Variants in RBFOX2 observed in about 807,000 individuals in gnomAD.
The protein encoded by RBFOX2 is RNA binding protein fox-1 homolog 2.
Under a neutral mutation model 49.1 loss-of-function variants are expected in RBFOX2, and 10 were observed. The ratio of observed to expected loss-of-function variants is 0.20; its 90% CI spans 0.13 to 0.35. The LOEUF (loss-of-function observed/expected upper bound fraction) is 0.35. Among genes scored for constraint, RBFOX2 ranks in the 10% least tolerant of loss-of-function variants. RBFOX2 has a pLI of 1.00. For missense variants in RBFOX2, 323 were observed against 486.9 expected (o/e 0.66, Z 3.17); for synonymous variants, 183 against 187.4 (o/e 0.98, Z 0.19).
intron 1 of RBFOX2, chr22:35,821,790 C>T (rs758611207): frequency 1.9e-6 from 1 of 518,818 alleles, no homozygotes; most frequent in African/African-American, 1.9e-5. Flanking sequence ...TCAGTACACA[C>T]CTGATCTACC....
At chr22:35,849,288 TACACACACAAACACACACAC>T (rs1480773501) in intron 1 of RBFOX2, among the ~76,000 whole-genome samples, 2 of 96,852 alleles carry the variant, frequency 2.1e-5, no homozygotes, top group Admixed American at 2.2e-4. Context: ...CACACACACA[TACACACACAAACACACACAC>T]ACACACACAC....
At chr22:35,812,218 T>C (rs1373858018) in intron 1 of RBFOX2, among the ~76,000 whole-genome samples, 1 of 150,724 alleles carries the variant, frequency 6.6e-6, no homozygotes, top group Non-Finnish European at 1.5e-5. Context: ...CTGACATCGC[T>C]GCCATTAAAC....
chr22:36,018,880 CT>C (rs1328087185), intron 1 of RBFOX2, among the ~76,000 whole-genome samples: 1 of 152,172 alleles, frequency 6.6e-6, no homozygotes, highest in African/African-American at 2.4e-5. Context: ...TCCCAAAGTG[CT>C]GGGATTACAG....
chr22:36,021,356 C>A (rs1300090104), intron 1 of RBFOX2, among the ~76,000 whole-genome samples: 2 of 151,774 alleles, frequency 1.3e-5, no homozygotes, highest in African/African-American at 4.8e-5. Context: ...CATAACAAAC[C>A]CGCACGTTGT....
chr22:35,824,580 T>C (rs1236163319), intron 1 of RBFOX2, among the ~76,000 whole-genome samples: 2 of 152,196 alleles, frequency 1.3e-5, no homozygotes, highest in Non-Finnish European at 2.9e-5. Context: ...GAAGTAGTCA[T>C]CAGAAATGCT....
At chr22:35,919,202 T>C (rs2050752197) in intron 1 of RBFOX2, among the ~76,000 whole-genome samples, 1 of 152,186 alleles carries the variant, frequency 6.6e-6, no homozygotes, top group South Asian at 2.1e-4. Context: ...GGAGACCACT[T>C]GTTGCATAGG....
At chr22:36,024,708 T>C (rs954569622) in intron 1 of RBFOX2, among the ~76,000 whole-genome samples, 1 of 151,246 alleles carries the variant, frequency 6.6e-6, no homozygotes, top group African/African-American at 2.4e-5. Flanking sequence ...GCCACTGCAC[T>C]CCAGCCTGGG....
chr22:35,742,509 T>C (rs1930455707), exon 12 of RBFOX2: 1 of 152,606 alleles, frequency 6.6e-6, no homozygotes, highest in African/African-American at 2.4e-5. Flanking sequence ...AACAAACCCA[T>C]AACCAGAAGC....
intron 1 of RBFOX2, among the ~76,000 whole-genome samples, chr22:35,969,163 C>CTAGG (rs1443419063): frequency 1.3e-5 from 2 of 152,176 alleles, no homozygotes; most frequent in Admixed American, 1.3e-4. Context: ...AAAGAGGTAC[C>CTAGG]TGCCTGCCTC....
intron 9 of RBFOX2, among the ~76,000 whole-genome samples, chr22:35,754,573 T>C (rs1050607104): frequency 3.3e-5 from 5 of 152,196 alleles, no homozygotes; most frequent in Admixed American, 2.0e-4. Flanking sequence ...CATGAGAATA[T>C]GGACACTAAT....
chr22:35,765,089 C>G (rs909441583), intron 6 of RBFOX2, among the ~76,000 whole-genome samples: 1 of 151,076 alleles, frequency 6.6e-6, no homozygotes, highest in South Asian at 2.1e-4. Flanking sequence ...AGGGGTATTA[C>G]GGACAAGTCT....
At chr22:35,882,058 G>A (rs543327820) in intron 1 of RBFOX2, among the ~76,000 whole-genome samples, 21 of 152,154 alleles carry the variant, frequency 1.4e-4, no homozygotes, top group South Asian at 6.2e-4. Context: ...CATTTTACCC[G>A]GCTGGTAAAA....
intron 1 of RBFOX2, among the ~76,000 whole-genome samples, chr22:35,825,623 G>T (rs571494869): frequency 6.6e-6 from 1 of 152,206 alleles, no homozygotes; most frequent in Non-Finnish European, 1.5e-5. Flanking sequence ...AGCTCTCAAG[G>T]CCTTCGGTTT....
chr22:35,785,494 C>T (rs1946197645), intron 2 of RBFOX2, among the ~76,000 whole-genome samples: 1 of 152,168 alleles, frequency 6.6e-6, no homozygotes. Flanking sequence ...TTCTAGGTGA[C>T]AGGATGCATC....
At chr22:35,777,014 A>AAT (rs1300870393) in intron 4 of RBFOX2, among the ~76,000 whole-genome samples, 4 of 151,186 alleles carry the variant, frequency 2.6e-5, no homozygotes, top group Admixed American at 2.0e-4. Context: ...TAGGGGAAAT[A>AAT]ATTTTTTTTT....
chr22:35,986,054 C>T (rs5756032), intron 1 of RBFOX2, among the ~76,000 whole-genome samples: 32,395 of 152,040 alleles, frequency 0.21, 5,207 homozygotes, highest in African/African-American at 0.46. Context: ...TAACCTCTCC[C>T]TCAGATTATA....
intron 9 of RBFOX2, among the ~76,000 whole-genome samples, chr22:35,756,487 T>C (rs1936984395): frequency 6.6e-6 from 1 of 152,150 alleles, no homozygotes; most frequent in South Asian, 2.1e-4. Flanking sequence ...TTTTTGTATA[T>C]GGAGTATTTT....
At chr22:35,954,214 A>G (rs2055288195) in intron 1 of RBFOX2, among the ~76,000 whole-genome samples, 2 of 152,220 alleles carry the variant, frequency 1.3e-5, no homozygotes, top group African/African-American at 4.8e-5. Flanking sequence ...ACTGTTCAAC[A>G]AATGAACATG....
At chr22:35,773,731 T>C (rs1202414307) in intron 4 of RBFOX2, among the ~76,000 whole-genome samples, 1 of 152,092 alleles carries the variant, frequency 6.6e-6, no homozygotes, top group South Asian at 2.1e-4. Context: ...TACCAAAGTA[T>C]TTTGGCAAAA....
Sources: gnomAD v4.1 joint callset for allele counts (sites outside exome capture counted in the v4.1 genomes callset) on GRCh38, gnomAD v4.1.1 for gene constraint, MANE v1.5 for transcripts, NCBI Gene and HGNC (gene_info 2026-07-23, HGNC 2026-07-21) for gene names.